Variants in SPATA13 observed in about 807,000 individuals in gnomAD.
The protein encoded by SPATA13 is spermatogenesis associated 13.
SPATA13 carries 50 observed loss-of-function variants against 104.0 expected under a neutral mutation model. That is an observed-to-expected ratio of 0.48 (90% CI 0.38 to 0.61). The LOEUF (loss-of-function observed/expected upper bound fraction) is 0.61, where lower values mean the gene tolerates loss of function less well. SPATA13 is among the 20% of genes least tolerant of loss of function. The pLI, the probability that SPATA13 is intolerant of heterozygous loss-of-function variation, is 0.00. For synonymous variants in SPATA13, 606 were observed against 667.5 expected, an observed-to-expected ratio of 0.91 and a Z score of 1.42; for missense variants, 1,524 against 1,690.6, an observed-to-expected ratio of 0.90 and a Z score of 1.73.
intron 3 of SPATA13, among the ~76,000 whole-genome samples, chr13:24,054,979 T>C (rs1164654922): frequency 6.6e-6 from 1 of 152,236 alleles, no homozygotes; most frequent in Non-Finnish European, 1.5e-5. Context: ...ACTATTATTT[T>C]ACACTCATAA....
chr13:24,124,182 G>A (rs1369541361), intron 3 of SPATA13, among the ~76,000 whole-genome samples: 2 of 152,354 alleles, frequency 1.3e-5, no homozygotes, highest in East Asian at 3.9e-4. Context: ...TACAGAGAAA[G>A]GAGCTGATGA....
At position 24,254,846 on chromosome 13, in the gene SPATA13, C is replaced by T. The variant is rs527494584; in HGVS notation, c.2164+2984C>T. On this transcript the variant is annotated intron_variant, in intron 4 of 12. Coordinates refer to ENST00000382108, the MANE Select transcript of SPATA13 (RefSeq NM_001166271.3). ...TTTTTTTTTCCTTTTTATGAACCCACTGAGCAAGTATCAAGATGACTAGGA... is the reference window on the plus strand; with the variant it reads ...TTTTTTTTTCCTTTTTATGAACCCATTGAGCAAGTATCAAGATGACTAGGA... 2.0e-5 allele frequency among the ~76,000 whole-genome samples: 3 copies of T among 151,726 alleles called. No homozygotes were observed. The South Asian group carries it at 6.2e-4, about 32-fold the overall frequency.
chr13:24,070,813 G>GT (rs970623010), intron 3 of SPATA13, among the ~76,000 whole-genome samples: 2 of 151,832 alleles, frequency 1.3e-5, no homozygotes, highest in African/African-American at 4.8e-5. Flanking sequence ...GGCACGTCTG[G>GT]TTTTTTTCTG....
At chr13:24,291,733 T>C (rs1876362961) in intron 9 of SPATA13, among the ~76,000 whole-genome samples, 1 of 103,000 alleles carries the variant, frequency 9.7e-6, no homozygotes, top group Non-Finnish European at 2.0e-5. Context: ...ACTCTCTCTC[T>C]GTCTTTATTT....
intron 1 of SPATA13, among the ~76,000 whole-genome samples, chr13:24,163,781 G>A (rs933140946): frequency 3.9e-5 from 6 of 152,182 alleles, no homozygotes; most frequent in African/African-American, 1.2e-4. Context: ...TCTGGTTCAG[G>A]GCTCAATGCC....
rs368395055 is a variant in SPATA13, at chr13:24,224,251, G to A, written c.1322G>A (p.Ser441Asn). Residue 441 changes from serine to asparagine, a missense_variant, in exon 2 of 13, where the codon AGC becomes AAC. Around this residue, in one of 2 missense-constraint regions of SPATA13, gnomAD observed 1,089 missense variants for 1,135.9 expected, o/e 0.96. Coordinates refer to ENST00000382108, the MANE Select transcript of SPATA13 (RefSeq NM_001166271.3). Reference sequence around the variant, plus strand: ...AGCCCGATTGTCCAGGATGTGTTGAGCAAAGACTCCTGTGACCCAAACGCT... The same window carrying A: ...AGCCCGATTGTCCAGGATGTGTTGAACAAAGACTCCTGTGACCCAAACGCT... ...LPSPIVQDVL[S>N]KDSCDPNAGS... 5.8e-6 allele frequency: 9 copies of A among 1,551,578 alleles called. No individual in the cohort carries two copies. The African/African-American group carries it at 1.1e-4, about 19-fold the overall frequency.
rs76521621 is a variant in SPATA13 at position 23,985,151 on chromosome 13, G to A, written c.-147+1218G>A. 1.7e-3 allele frequency among the ~76,000 whole-genome samples: 257 copies of A among 152,334 alleles called. 5 individuals carry two copies. The East Asian group carries it at 0.044, about 26-fold the overall frequency. Reference sequence around the variant, plus strand: ...TCCTCAGGCGTGGGCATAGTGAAATGCCCTTTCTTCCCGTCTGCTACCGAA... The same window carrying A: ...TCCTCAGGCGTGGGCATAGTGAAATACCCTTTCTTCCCGTCTGCTACCGAA... On this transcript the variant is annotated intron_variant, in intron 2 of 14. Coordinates refer to the SPATA13 transcript ENST00000424834.
At chr13:24,122,242 C>T in intron 3 of SPATA13, 1 of 1,334,972 alleles carries the variant, frequency 7.5e-7, no homozygotes, top group Non-Finnish European at 1.1e-6. Context: ...GATGGTGAGT[C>T]AGAGCCTGAT....
At chr13:24,061,790 T>C (rs1125959) in intron 3 of SPATA13, among the ~76,000 whole-genome samples, 1,978 of 151,716 alleles carry the variant, frequency 0.013, 78 homozygotes, top group East Asian at 0.11. Flanking sequence ...ACCTGGGTGA[T>C]GAAATAATCT....
At chr13:24,048,681 T>TAA (rs5802262) in intron 3 of SPATA13, among the ~76,000 whole-genome samples, 5 of 151,480 alleles carry the variant, frequency 3.3e-5, no homozygotes, top group Non-Finnish European at 4.4e-5. Flanking sequence ...TGATCAAAAT[T>TAA]AAAAAAAAGA....
intron 1 of SPATA13, among the ~76,000 whole-genome samples, chr13:24,198,540 T>C (rs978837719): frequency 6.6e-6 from 1 of 152,228 alleles, no homozygotes; most frequent in Non-Finnish European, 1.5e-5. Context: ...AGAGGCGTTG[T>C]TGAGTTTGGC....
At chr13:24,165,462 A>G (rs1323887598) in intron 1 of SPATA13, among the ~76,000 whole-genome samples, 1 of 152,182 alleles carries the variant, frequency 6.6e-6, no homozygotes, top group Admixed American at 6.5e-5. Context: ...AGTAGAGCAC[A>G]GGTCCGAAAT....
intron 1 of SPATA13, among the ~76,000 whole-genome samples, chr13:24,193,568 T>C (rs9580895): frequency 0.033 from 4,979 of 151,870 alleles, 301 homozygotes; most frequent in African/African-American, 0.11. Context: ...ACCAGTTGAG[T>C]CTGGAACCTT....
Position 24,203,234 on chromosome 13 carries a change from A to C in SPATA13, c.-111-19585A>C, listed in dbSNP as rs377167057. On this transcript the variant is annotated intron_variant, in intron 1 of 12. Coordinates refer to ENST00000382108, the MANE Select transcript of SPATA13 (RefSeq NM_001166271.3). Reference sequence around the variant, plus strand: ...CTGAAGTTGAAGTTGTCTCTTCCCCAGTGCCCTCTTTGTAAAAGTATAAAG... The same window carrying C: ...CTGAAGTTGAAGTTGTCTCTTCCCCCGTGCCCTCTTTGTAAAAGTATAAAG... 5.9e-5 allele frequency among the ~76,000 whole-genome samples: 9 copies of C among 151,352 alleles called. No individual in the cohort carries two copies. In the East Asian group the frequency reaches 1.2e-3, roughly 20 times the overall value.
chr13:24,249,952 C>T (rs540669149), intron 3 of SPATA13, 110 bp downstream of exon 3: 12 of 1,418,670 alleles, frequency 8.5e-6, no homozygotes, highest in Middle Eastern at 5.3e-4. Flanking sequence ...TTCTCAAGGG[C>T]GGCACCATGT....
At chr13:24,240,384 C>T (rs540539146) in intron 2 of SPATA13, among the ~76,000 whole-genome samples, 7 of 152,054 alleles carry the variant, frequency 4.6e-5, no homozygotes, top group African/African-American at 7.2e-5. Context: ...GCCTAGAAAA[C>T]GGAACCCCCT....
intron 2 of SPATA13, among the ~76,000 whole-genome samples, chr13:24,000,522 G>A (rs556679106): frequency 6.6e-6 from 1 of 152,270 alleles, no homozygotes; most frequent in South Asian, 2.1e-4. Context: ...CTGCCTTCTA[G>A]GGGGAAGACA....
intron 1 of SPATA13, among the ~76,000 whole-genome samples, chr13:24,188,984 C>A (rs1344086703): frequency 1.3e-5 from 2 of 152,180 alleles, no homozygotes; most frequent in Admixed American, 1.3e-4. Context: ...TTTTAGCCCA[C>A]TGTTGAGACC....
chr13:24,016,532 GC>G (rs1876719037), intron 2 of SPATA13, among the ~76,000 whole-genome samples: 1 of 152,146 alleles, frequency 6.6e-6, no homozygotes, highest in African/African-American at 2.4e-5. Context: ...GCCCTTCTTT[GC>G]CCACAGCCAA....
Sources: allele counts gnomAD v4.1 joint callset (sites outside exome capture counted in the v4.1 genomes callset), GRCh38; gene constraint gnomAD v4.1.1; regional missense constraint gnomAD v4.1.1; transcripts MANE v1.5; gene names NCBI Gene and HGNC (gene_info 2026-07-23, HGNC 2026-07-21).